The following CDH1 variants were observed in gnomAD, a reference collection of about 807,000 sequenced individuals.
CDH1 encodes cadherin-1.
A neutral mutation model predicts 84.5 loss-of-function variants in CDH1; 35 were observed. That is an observed-to-expected ratio of 0.41 (90% confidence interval 0.32 to 0.55). The LOEUF is 0.55. CDH1 is among the 20% of genes least tolerant of loss of function. The probability of loss-of-function intolerance (pLI) is 0.19; values close to 1 mark genes in which losing one functional copy is unlikely to be tolerated. For missense variants in CDH1, 994 were observed against 1,126.6 expected, an observed-to-expected ratio of 0.88 and a Z score of 1.68; for synonymous variants, 417 against 439.0, an observed-to-expected ratio of 0.95 and a Z score of 0.63.
chr16:68,756,440 G>A (rs1023540228), intron 2 of CDH1, among the ~76,000 whole-genome samples: 1 of 152,070 alleles, frequency 6.6e-6, no homozygotes. Flanking sequence ...TCAATATCAG[G>A]TTGAATCAGC....
Position 68,774,251 on chromosome 16 carries a change from G to A in CDH1, c.164-27419G>A, listed in dbSNP as rs567977532. On this transcript the variant is annotated intron_variant, in intron 2 of 15. Transcript: ENST00000261769. ...TTAAAATGTTTGTTGATGGCTGGGT[G>A]CGGTCGCTCATGCCTGTAATCCTAG... Among the ~76,000 whole-genome samples the A allele has an allele frequency of 1.4e-4, 21 of 152,320 alleles. 1 individual carries two copies. Among genetic ancestry groups the A allele is most frequent in the African/African-American group, 5.1e-4 (21 of 41,578 alleles).
intron 9 of CDH1, 69 bp from the exon 10 acceptor site, chr16:68,815,446 A>G (rs1960954827): frequency 2.5e-6 from 4 of 1,599,082 alleles, no homozygotes; most frequent in Admixed American, 3.4e-5. Context: ...ACAGTTAAGG[A>G]TTTAATTTTA....
chr16:68,737,998 G>T (rs568067015), intron 1 of CDH1, among the ~76,000 whole-genome samples: 18 of 152,264 alleles, frequency 1.2e-4, no homozygotes, highest in African/African-American at 4.3e-4. Context: ...AAGGAAAGTG[G>T]GGTACTGGAG....
chr16:68,774,712 C>T (rs970198656), intron 2 of CDH1, among the ~76,000 whole-genome samples: 1 of 151,960 alleles, frequency 6.6e-6, no homozygotes, highest in Non-Finnish European at 1.5e-5. Flanking sequence ...GTGCTGGGGC[C>T]CTGGGCAGCA....
intron 15 of CDH1, among the ~76,000 whole-genome samples, chr16:68,832,763 T>C (rs2152143565): frequency 6.6e-6 from 1 of 152,152 alleles, no homozygotes; most frequent in South Asian, 2.1e-4. Flanking sequence ...GATGTTGCAG[T>C]GAGCCAAAAT....
intron 2 of CDH1, among the ~76,000 whole-genome samples, chr16:68,750,362 C>T (rs2152117308): frequency 6.6e-6 from 1 of 151,472 alleles, no homozygotes; most frequent in East Asian, 2.0e-4. Flanking sequence ...CTTAAAGAAA[C>T]TCTTGTTCCA....
At chr16:68,787,513 T>C in intron 2 of CDH1, among the ~76,000 whole-genome samples, 1 of 152,110 alleles carries the variant, frequency 6.6e-6, no homozygotes, top group Non-Finnish European at 1.5e-5. Context: ...TGTTGATTTT[T>C]TTTTTTTTTA....
intron 2 of CDH1, among the ~76,000 whole-genome samples, chr16:68,798,743 T>A (rs1469189188): frequency 2.0e-5 from 3 of 152,164 alleles, no homozygotes; most frequent in African/African-American, 7.2e-5. Flanking sequence ...GACAAGCCCC[T>A]AAAGATGACC....
chr16:68,738,258 C>A (rs1962452511), intron 1 of CDH1, 39 bp from the exon 2 acceptor site: 1 of 1,344,936 alleles, frequency 7.4e-7, no homozygotes, highest in South Asian at 1.3e-5. Flanking sequence ...AGGGAACCCT[C>A]CGAGTCACCC....
intron 12 of CDH1, chr16:68,822,917 T>C (rs1213988427): frequency 2.3e-5 from 5 of 221,524 alleles, no homozygotes; most frequent in Non-Finnish European, 4.5e-5. Context: ...CTGGACCCTT[T>C]TGGATCTTCA....
At chr16:68,806,122 ATATTTATTTATTTATTTATTTATT>A (rs200148272) in intron 3 of CDH1, among the ~76,000 whole-genome samples, 26 of 144,434 alleles carry the variant, frequency 1.8e-4, no homozygotes, top group East Asian at 1.2e-3. Flanking sequence ...TAATTTTTGT[ATATTTATTTATTTATTTATTTATT>A]TATTTATTTA....
rs1555516202 is a variant in CDH1, at chr16:68,815,762, A to G, written c.1565+3A>G. ...ACATTTATGGAACAGAAAATAACGT[A>G]AGTGTGAGGATTTTTCAACTGACTT... On this transcript the variant is annotated splice_donor_region_variant and intron_variant, in intron 10 of 15. Transcript: ENST00000261769. 6.2e-7 allele frequency: 1 copy of G among 1,614,222 alleles called. No individual in the cohort carries two copies. The highest frequency in any genetic ancestry group is 1.1e-5 in the South Asian group (1 of 91,084).
intron 10 of CDH1, among the ~76,000 whole-genome samples, chr16:68,818,393 A>G (rs1211199958): frequency 2.0e-5 from 3 of 152,058 alleles, no homozygotes; most frequent in African/African-American, 7.2e-5. Context: ...CAGAACAAGA[A>G]ATTATGTAGG....
intron 2 of CDH1, among the ~76,000 whole-genome samples, chr16:68,757,896 C>T (rs1963055516): frequency 6.6e-6 from 1 of 150,900 alleles, no homozygotes; most frequent in Admixed American, 6.6e-5. Context: ...GGGCTCAAGT[C>T]ATCCCCATCC....
At chr16:68,742,503 G>T in intron 2 of CDH1, 1 of 162,538 alleles carries the variant, frequency 6.2e-6, no homozygotes, top group Non-Finnish European at 1.3e-5. Context: ...CCCTGAACGC[G>T]CCCGATCTCG....
intron 3 of CDH1, among the ~76,000 whole-genome samples, chr16:68,807,926 G>C (rs948892833): frequency 2.2e-4 from 33 of 152,104 alleles, no homozygotes; most frequent in Non-Finnish European, 8.8e-5. Flanking sequence ...ACAAAAATTA[G>C]TCAGCCATGG....
At chr16:68,741,016 G>A (rs1962549150) in intron 2 of CDH1, among the ~76,000 whole-genome samples, 1 of 151,914 alleles carries the variant, frequency 6.6e-6, no homozygotes, top group African/African-American at 2.4e-5. Flanking sequence ...GAATGGAGGT[G>A]TTGACAGGGT....
rs754580159 is a variant in CDH1 at position 68,813,477 on chromosome 16, C to T, written c.1302C>T (p.Gly434=). 1 of 1,614,172 alleles carries T rather than the reference C, an allele frequency of 6.2e-7. No individual in the cohort carries two copies. The highest frequency in any genetic ancestry group is 1.3e-5 in the African/African-American group (1 of 75,056). Reference sequence around the variant, plus strand: ...CCACAAATCCAGTGAACAACGATGGCATTTTGAAAACAGCAAAGGTTTGTA... The same window carrying T: ...CCACAAATCCAGTGAACAACGATGGTATTTTGAAAACAGCAAAGGTTTGTA... ...VVTTNPVNND[G]ILKTAKGLDF... is the part of the protein sequence containing the mutation. Residue 434 remains glycine (G), a synonymous_variant, in exon 9 of 16, where the codon GGC becomes GGT. Transcript: ENST00000261769.
chr16:68,796,861 A>T (rs1192088009), intron 2 of CDH1, among the ~76,000 whole-genome samples: 1 of 152,188 alleles, frequency 6.6e-6, no homozygotes, highest in Non-Finnish European at 1.5e-5. Context: ...CCTCCTGGCC[A>T]GGCACAATAC....
Sources: allele counts gnomAD v4.1 joint callset (sites outside exome capture counted in the v4.1 genomes callset), GRCh38; gene constraint gnomAD v4.1.1; transcripts MANE v1.5; gene names NCBI Gene and HGNC (gene_info 2026-07-23, HGNC 2026-07-21).